The following RGS5 variants were observed in gnomAD, a reference collection of about 807,000 sequenced individuals.
The protein encoded by RGS5 is regulator of G-protein signalling 5.
A neutral mutation model predicts 18.9 loss-of-function variants in RGS5; 20 were observed. That is an observed-to-expected ratio of 1.06 (90% confidence interval 0.74 to 1.54). RGS5 has a LOEUF of 1.54. Among genes scored for constraint, RGS5 ranks in the 40% most tolerant of loss-of-function variants. The pLI is 0.00. For synonymous variants in RGS5, 57 were observed against 76.2 expected, an observed-to-expected ratio of 0.75 and a Z score of 1.31; for missense variants, 201 against 211.8, an observed-to-expected ratio of 0.95 and a Z score of 0.32.
At chr1:163,187,542 C>A (rs1325075733) in intron 1 of RGS5, among the ~76,000 whole-genome samples, 7 of 152,102 alleles carry the variant, frequency 4.6e-5, no homozygotes, top group Non-Finnish European at 1.0e-4. Context: ...AAGACACTCC[C>A]CTGACAGGTC....
chr1:163,214,165 T>C (rs544573646), intron 1 of RGS5, among the ~76,000 whole-genome samples: 52 of 152,284 alleles, frequency 3.4e-4, no homozygotes, highest in African/African-American at 8.7e-4. Context: ...TGTATTCTTA[T>C]AGCAAAACCT....
chr1:163,300,597 C>T (rs10917719), intron 2 of RGS5: 95,439 of 151,530 alleles, frequency 0.63, 30,473 homozygotes, highest in Non-Finnish European at 0.68. Flanking sequence ...AGTACTCCAA[C>T]AGTTAACAAG....
At chr1:163,299,201 A>G (rs1352663767) in intron 2 of RGS5, among the ~76,000 whole-genome samples, 1 of 152,204 alleles carries the variant, frequency 6.6e-6, no homozygotes, top group Non-Finnish European at 1.5e-5. Context: ...ATACAGGAGG[A>G]GTAAATTTGA....
At chr1:163,273,226 G>A (rs938555727) in intron 2 of RGS5, among the ~76,000 whole-genome samples, 4 of 152,068 alleles carry the variant, frequency 2.6e-5, no homozygotes, top group Non-Finnish European at 4.4e-5. Flanking sequence ...TGGGTGGAGC[G>A]TTCTATAAAT....
intron 2 of RGS5, among the ~76,000 whole-genome samples, chr1:163,164,234 A>G (rs1285058585): frequency 6.6e-6 from 1 of 152,186 alleles, no homozygotes; most frequent in Non-Finnish European, 1.5e-5. Context: ...ACTTCATTGG[A>G]AACAAGATAG....
intron 2 of RGS5, among the ~76,000 whole-genome samples, chr1:163,248,939 T>C (rs1469138365): frequency 2.0e-5 from 3 of 152,074 alleles, no homozygotes; most frequent in Admixed American, 6.5e-5. Context: ...CTCAACCAAG[T>C]GGGAGAACAA....
intron 1 of RGS5, among the ~76,000 whole-genome samples, chr1:163,194,620 C>T (rs1474248255): frequency 6.6e-6 from 1 of 151,940 alleles, no homozygotes; most frequent in African/African-American, 2.4e-5. Context: ...TGTTATATAG[C>T]CTCTTATACT....
At chr1:163,221,153 A>G (rs1408766737), upstream of RGS5, among the ~76,000 whole-genome samples, 2 of 152,188 alleles carry the variant, frequency 1.3e-5, no homozygotes, top group African/African-American at 4.8e-5. Flanking sequence ...TATGGCTATC[A>G]GCCAACTTCT....
chr1:163,266,122 T>C (rs1648567033), intron 2 of RGS5, among the ~76,000 whole-genome samples: 1 of 143,486 alleles, frequency 7.0e-6, no homozygotes, highest in African/African-American at 2.5e-5. Context: ...CCCATCAACC[T>C]CAGAGGGATC....
intron 1 of RGS5, among the ~76,000 whole-genome samples, chr1:163,312,389 TAGTTATATGTAATGGGAGACTAAATAAA>T (rs1442143681): frequency 6.6e-6 from 1 of 152,162 alleles, no homozygotes; most frequent in Non-Finnish European, 1.5e-5. Context: ...GGACAGATAG[TAGTTATATGTAATGGGAGACTAAATAAA>T]AGAAAGATCT....
upstream of RGS5, among the ~76,000 whole-genome samples, chr1:163,219,649 TCA>T (rs1264038693): frequency 6.6e-6 from 1 of 152,166 alleles, no homozygotes; most frequent in East Asian, 1.9e-4. Context: ...CAAAATTTTC[TCA>T]GTTTTAATTT....
rs997377474 is a variant in RGS5 at position 163,299,053 on chromosome 1, G to T, written c.-281+7180C>A. Among the ~76,000 whole-genome samples, 10 of 152,118 alleles carry T rather than the reference G, an allele frequency of 6.6e-5. No homozygotes were observed. The East Asian group carries it at 1.3e-3, about 21-fold the overall frequency. On this transcript the variant is annotated intron_variant, in intron 2 of 5. Coordinates refer to the RGS5 transcript ENST00000618415. ...TCTTAAATTCAAACACTGTTTCATG[G>T]GAATTGTTAAGCCAGTAGTATGTTG... is the stretch of plus-strand genomic sequence containing the variant.
At chr1:163,270,243 G>A (rs879641130) in intron 2 of RGS5, among the ~76,000 whole-genome samples, 3 of 151,880 alleles carry the variant, frequency 2.0e-5, no homozygotes, top group African/African-American at 7.3e-5. Flanking sequence ...TGGGCATGGT[G>A]GCTCACACCT....
chr1:163,195,229 T>C lies in RGS5; in HGVS notation c.44+7563A>G, dbSNP rs192205192. 7.9e-5 allele frequency among the ~76,000 whole-genome samples: 12 copies of C among 152,306 alleles called. No individual in the cohort carries two copies. In the East Asian group the frequency reaches 2.3e-3, roughly 29 times the overall value. ...GTGAGTGGATAAAGACAATGTGGTA[T>C]ACATATACCATGTTGTATATAAGAA... On this transcript the variant is annotated intron_variant, in intron 1 of 4. Transcript: ENST00000313961.
intron 2 of RGS5, among the ~76,000 whole-genome samples, chr1:163,281,284 G>A (rs752338861): frequency 5.9e-5 from 9 of 152,074 alleles, no homozygotes; most frequent in Admixed American, 2.0e-4. Context: ...CATGAAAATG[G>A]ACTAATACAT....
intron 1 of RGS5, among the ~76,000 whole-genome samples, chr1:163,180,686 GTTTTTTTTTTTTTTT>G (rs1026995196): frequency 1.6e-5 from 1 of 61,964 alleles, no homozygotes; most frequent in African/African-American, 7.1e-5. Flanking sequence ...CCCTTACCCT[GTTTTTTTTTTTTTTT>G]TTTTTTTTTT....
At chr1:163,292,940 GC>G (rs1291512484) in intron 2 of RGS5, among the ~76,000 whole-genome samples, 5 of 152,084 alleles carry the variant, frequency 3.3e-5, no homozygotes, top group Non-Finnish European at 7.4e-5. Flanking sequence ...TGGATAGATT[GC>G]AAAAATTTTC....
intron 1 of RGS5, among the ~76,000 whole-genome samples, chr1:163,309,167 G>A (rs557778116): frequency 6.6e-6 from 1 of 152,182 alleles, no homozygotes; most frequent in Admixed American, 6.5e-5. Context: ...GTGAACTATG[G>A]TAGTGCCACT....
chr1:163,250,204 C>T (rs1416149582), intron 2 of RGS5, among the ~76,000 whole-genome samples: 1 of 152,120 alleles, frequency 6.6e-6, no homozygotes, highest in Non-Finnish European at 1.5e-5. Context: ...TTATCCAGAA[C>T]TGAGCATTAG....
Sources: gnomAD v4.1 joint callset for allele counts (sites outside exome capture counted in the v4.1 genomes callset) on GRCh38, gnomAD v4.1.1 for gene constraint, MANE v1.5 for transcripts, NCBI Gene and HGNC (gene_info 2026-07-23, HGNC 2026-07-21) for gene names.